The following CADM1 variants were observed in gnomAD, a reference collection of about 807,000 sequenced individuals.
CADM1 encodes cell adhesion molecule 1, also known as TSLC-1.
CADM1 carries 15 observed loss-of-function variants against 53.1 expected under a neutral mutation model. The ratio of observed to expected loss-of-function variants is 0.28; its 90% confidence interval spans 0.19 to 0.44. The LOEUF (loss-of-function observed/expected upper bound fraction) is 0.44. CADM1 is among the 20% of genes least tolerant of loss of function. The probability of loss-of-function intolerance (pLI) is 1.00; values close to 1 mark genes in which losing one functional copy is unlikely to be tolerated. For missense variants in CADM1, 434 were observed against 611.3 expected, an observed-to-expected ratio of 0.71 and a Z score of 3.06; for synonymous variants, 281 against 243.0, an observed-to-expected ratio of 1.16 and a Z score of -1.45.
chr11:115,307,282 T>C (rs990521699), intron 1 of CADM1, among the ~76,000 whole-genome samples: 4 of 152,028 alleles, frequency 2.6e-5, no homozygotes, highest in African/African-American at 9.6e-5. Context: ...AAATAATTTT[T>C]AGCAATTTTC....
At chr11:115,362,426 G>C (rs544121532) in intron 1 of CADM1, among the ~76,000 whole-genome samples, 58 of 152,226 alleles carry the variant, frequency 3.8e-4, no homozygotes, top group African/African-American at 1.3e-3. Flanking sequence ...CCTGTTTTCT[G>C]TCTTATCTTC....
At chr11:115,199,846 T>A in intron 8 of CADM1, among the ~76,000 whole-genome samples, 1 of 152,260 alleles carries the variant, frequency 6.6e-6, no homozygotes, top group East Asian at 1.9e-4. Flanking sequence ...AGAATGCAGC[T>A]ATTTAGCTGG....
intron 1 of CADM1, among the ~76,000 whole-genome samples, chr11:115,405,163 T>G (rs569567121): frequency 6.6e-6 from 1 of 152,136 alleles, no homozygotes; most frequent in Non-Finnish European, 1.5e-5. Flanking sequence ...CTGTTGCCCA[T>G]GCTGGTCTCA....
At position 115,310,533 on chromosome 11, in the gene CADM1, T is replaced by C. The variant is rs530086762; in HGVS notation, c.125-70113A>G. ...GAAAAGATAACAAAGACAGATAAGA[T>C]TTTGAACAAGTTCTACAGGATTGTA... On this transcript the variant is annotated intron_variant, in intron 1 of 11. Coordinates refer to ENST00000331581, the MANE Select transcript of CADM1 (RefSeq NM_001301043.2). Among the ~76,000 whole-genome samples, 3 of 152,220 alleles carry C rather than the reference T, an allele frequency of 2.0e-5. No homozygotes were observed. In the South Asian group the frequency reaches 6.2e-4, roughly 32 times the overall value.
At chr11:115,346,092 G>C (rs1300776741) in intron 1 of CADM1, among the ~76,000 whole-genome samples, 2 of 49,568 alleles carry the variant, frequency 4.0e-5, no homozygotes, top group African/African-American at 1.7e-4. Context: ...ACCTTAAGAA[G>C]TTCCTTTTTC....
intron 1 of CADM1, among the ~76,000 whole-genome samples, chr11:115,255,015 G>A (rs1054225204): frequency 6.6e-6 from 1 of 152,134 alleles, no homozygotes; most frequent in African/African-American, 2.4e-5. Flanking sequence ...CTGCCACAGA[G>A]TGCTCAGGAG....
chr11:115,366,858 C>T (rs1946176684), intron 1 of CADM1, among the ~76,000 whole-genome samples: 1 of 152,136 alleles, frequency 6.6e-6, no homozygotes, highest in African/African-American at 2.4e-5. Context: ...CCCCTAAAGT[C>T]ATCTTTCTAC....
rs552309443 is a variant in CADM1, at chr11:115,369,026, T to TAAAAAAAAAAAAAAAAA, written c.125-128623_125-128607dup. Among the ~76,000 whole-genome samples the TAAAAAAAAAAAAAAAAA allele has an allele frequency of 1.1e-3, 47 of 44,746 alleles. 3 individuals carry two copies. The highest frequency in any genetic ancestry group is 1.6e-3 in the Non-Finnish European group (39 of 24,308). The allele number at this position is 44,746 out of a possible 152,430, so 29.4% of individuals were successfully genotyped here. On this transcript the variant is annotated intron_variant, in intron 1 of 11. Coordinates refer to ENST00000331581, the MANE Select transcript of CADM1 (RefSeq NM_001301043.2). Reference sequence around the variant, plus strand: ...GTGCCTAGCAGAGTGAAAAAAAATCTAAAAAAAAAAAAAAAAAAAAAAAAA... The same window carrying TAAAAAAAAAAAAAAAAA: ...GTGCCTAGCAGAGTGAAAAAAAATCTAAAAAAAAAAAAAAAAAAAAAAAAAAAAAAAAAAAAAAAAAA...
chr11:115,502,941 C>T (rs1949761969), intron 1 of CADM1, among the ~76,000 whole-genome samples: 1 of 152,158 alleles, frequency 6.6e-6, no homozygotes, highest in Non-Finnish European at 1.5e-5. Flanking sequence ...GCTGAGCTCT[C>T]GGCGTCCTCC....
intron 1 of CADM1, among the ~76,000 whole-genome samples, chr11:115,263,046 T>C (rs1192797331): frequency 6.6e-6 from 1 of 152,246 alleles, no homozygotes; most frequent in Admixed American, 6.5e-5. Context: ...TGTTTCATGC[T>C]TTCTCATGAT....
At chr11:115,373,380 C>A (rs1946356145) in intron 1 of CADM1, among the ~76,000 whole-genome samples, 1 of 151,764 alleles carries the variant, frequency 6.6e-6, no homozygotes, top group Non-Finnish European at 1.5e-5. Context: ...AGGTCAGGAG[C>A]TCTAGACCAG....
chr11:115,241,432 TG>T (rs1236640883), intron 1 of CADM1, among the ~76,000 whole-genome samples: 1 of 152,078 alleles, frequency 6.6e-6, no homozygotes, highest in Non-Finnish European at 1.5e-5. Context: ...ACAAAAAGTG[TG>T]GTATAGGCAG....
intron 6 of CADM1, among the ~76,000 whole-genome samples, chr11:115,215,541 A>G (rs1382535312): frequency 6.6e-6 from 1 of 152,068 alleles, no homozygotes; most frequent in Non-Finnish European, 1.5e-5. Context: ...CAGGCTAATC[A>G]CCATGGCATG....
chr11:115,292,395 G>T (rs1301729901), intron 1 of CADM1, among the ~76,000 whole-genome samples: 3 of 152,164 alleles, frequency 2.0e-5, no homozygotes, highest in East Asian at 1.9e-4. Flanking sequence ...AAGGAGAAAT[G>T]ATTTCAATGG....
intron 5 of CADM1, among the ~76,000 whole-genome samples, chr11:115,228,013 C>T (rs1044278482): frequency 1.3e-5 from 2 of 152,142 alleles, no homozygotes; most frequent in Admixed American, 1.3e-4. Flanking sequence ...TCTGGGTGAG[C>T]CCTACATCCA....
In CADM1 at chr11:115,175,424, G is replaced by A; in HGVS notation, c.*1050C>T. 1 of 984,824 alleles carries A rather than the reference G, an allele frequency of 1.0e-6. No individual in the cohort carries two copies. The highest frequency in any genetic ancestry group is 1.2e-6 in the Non-Finnish European group (1 of 829,848). 61.0% of individuals were successfully genotyped at this position (984,824 alleles called of 1,614,324 possible). On this transcript the variant is annotated 3_prime_UTR_variant, in exon 12 of 12. Coordinates refer to ENST00000331581, the MANE Select transcript of CADM1 (RefSeq NM_001301043.2). ...GTCCCATTCAGTCATTCGCACAACA[G>A]ACGAACTTGCTTTTTCCTACAAATT... is the stretch of plus-strand genomic sequence containing the variant.
chr11:115,297,061 A>G (rs950587732), intron 1 of CADM1, among the ~76,000 whole-genome samples: 5 of 152,242 alleles, frequency 3.3e-5, no homozygotes, highest in African/African-American at 7.2e-5. Flanking sequence ...TGCTTCAAGT[A>G]TTCCTATAGT....
intron 1 of CADM1, among the ~76,000 whole-genome samples, chr11:115,351,474 A>G (rs982972422): frequency 6.6e-6 from 1 of 152,186 alleles, no homozygotes; most frequent in African/African-American, 2.4e-5. Context: ...TGTCACGATA[A>G]AAGAATAATT....
intron 1 of CADM1, among the ~76,000 whole-genome samples, chr11:115,328,715 T>TATATACATATATATACATATATATACGC (rs1464724518): frequency 1.8e-5 from 1 of 54,810 alleles, no homozygotes. Flanking sequence ...TATATATATG[T>TATATACATATATATACATATATATACGC]GTATATATAT....
Sources: gnomAD v4.1 joint callset for allele counts (sites outside exome capture counted in the v4.1 genomes callset) on GRCh38, gnomAD v4.1.1 for gene constraint, MANE v1.5 for transcripts, NCBI Gene and HGNC (gene_info 2026-07-23, HGNC 2026-07-21) for gene names.